Variants in CYRIA observed in about 807,000 individuals in gnomAD.
The protein encoded by CYRIA is CYFIP-related Rac1 interactor A.
In CYRIA, 15 loss-of-function variants were observed where a neutral mutation model predicts 43.9. The ratio of observed to expected loss-of-function variants is 0.34; its 90% CI spans 0.23 to 0.53. CYRIA has a LOEUF of 0.53. Among genes scored for constraint, CYRIA ranks in the 20% least tolerant of loss-of-function variants. CYRIA has a pLI of 0.94. For synonymous variants in CYRIA, 117 were observed against 136.0 expected (o/e 0.86, Z 0.97); for missense variants, 236 against 394.2 (o/e 0.60, Z 3.40).
intron 1 of CYRIA, among the ~76,000 whole-genome samples, chr2:16,648,518 A>G (rs1410918059): frequency 6.6e-6 from 1 of 152,230 alleles, no homozygotes; most frequent in African/African-American, 2.4e-5. Flanking sequence ...TTTCATCAAA[A>G]GGGGAATTTC....
intron 1 of CYRIA, among the ~76,000 whole-genome samples, chr2:16,630,827 C>G (rs1288287987): frequency 3.3e-5 from 5 of 152,176 alleles, no homozygotes; most frequent in African/African-American, 9.7e-5. Context: ...ATCCACGGCT[C>G]CAACTACAGG....
At chr2:16,653,322 G>C (rs1360312578) in intron 1 of CYRIA, among the ~76,000 whole-genome samples, 3 of 152,174 alleles carry the variant, frequency 2.0e-5, no homozygotes, top group African/African-American at 2.4e-5. Context: ...CTCCACTCTG[G>C]TTTGGCCCTC....
rs528288516 is a variant in CYRIA, at chr2:16,554,033, G to T, written c.909-1034C>A. Among the ~76,000 whole-genome samples the T allele has an allele frequency of 1.2e-4, 19 of 152,168 alleles. No homozygotes were observed. The East Asian group carries it at 3.5e-3, about 28-fold the overall frequency. Reference sequence around the variant, plus strand: ...ACAGCAAAACAGCATCAACCTCAGGGTCTATTTTGTTCATTTTGTGTGTGT... The same window carrying T: ...ACAGCAAAACAGCATCAACCTCAGGTTCTATTTTGTTCATTTTGTGTGTGT... On this transcript the variant is annotated intron_variant, in intron 11 of 11. Coordinates refer to ENST00000381323, the MANE Select transcript of CYRIA (RefSeq NM_030797.4).
intron 9 of CYRIA, chr2:16,560,676 C>T (rs780369331): frequency 2.7e-5 from 10 of 373,064 alleles, no homozygotes; most frequent in Admixed American, 1.2e-4. Flanking sequence ...TCATGATGTC[C>T]CATCATTTAA....
chr2:16,654,095 G>A (rs1670041200), intron 1 of CYRIA, among the ~76,000 whole-genome samples: 1 of 152,170 alleles, frequency 6.6e-6, no homozygotes, highest in Non-Finnish European at 1.5e-5. Context: ...TGGTGGGTCA[G>A]CTTGATCTCC....
intron 3 of CYRIA, among the ~76,000 whole-genome samples, chr2:16,578,336 G>A (rs1212007451): frequency 1.3e-5 from 2 of 151,958 alleles, no homozygotes; most frequent in African/African-American, 2.4e-5. Flanking sequence ...CCTGGCATTT[G>A]TTCAAAAAAA....
chr2:16,561,315 G>C (rs1666722046), intron 7 of CYRIA, 38 bp from the exon 8 acceptor site: 2 of 1,542,210 alleles, frequency 1.3e-6, no homozygotes, highest in Non-Finnish European at 1.8e-6. Context: ...TTTATAAAGA[G>C]AAAGTCCAAA....
chr2:16,566,782 G>A (rs567508688), intron 3 of CYRIA, among the ~76,000 whole-genome samples: 2 of 152,196 alleles, frequency 1.3e-5, no homozygotes, highest in South Asian at 4.1e-4. Context: ...GGTGGTGGTG[G>A]AGAGGTAGTA....
intron 2 of CYRIA, among the ~76,000 whole-genome samples, chr2:16,619,605 C>A (rs996016951): frequency 2.0e-5 from 3 of 152,210 alleles, no homozygotes; most frequent in Non-Finnish European, 2.9e-5. Context: ...CTTTCTACTT[C>A]TTTTCTTGGT....
At chr2:16,665,158 G>A (rs939660972) in intron 1 of CYRIA, among the ~76,000 whole-genome samples, 1 of 152,166 alleles carries the variant, frequency 6.6e-6, no homozygotes, top group Non-Finnish European at 1.5e-5. Context: ...CAGCATTTTG[G>A]GAAGTGGGTC....
chr2:16,598,687 G>T (rs1231435214), intron 2 of CYRIA, among the ~76,000 whole-genome samples: 1 of 94,274 alleles, frequency 1.1e-5, no homozygotes, highest in Non-Finnish European at 1.9e-5. Context: ...ATGTCCTCCC[G>T]TAGCTCAGAG....
chr2:16,633,661 A>G (rs928996822), intron 1 of CYRIA, among the ~76,000 whole-genome samples: 1 of 147,352 alleles, frequency 6.8e-6, no homozygotes, highest in Admixed American at 7.0e-5. Context: ...GATTACAGGC[A>G]TGAGCCACCG....
intron 2 of CYRIA, among the ~76,000 whole-genome samples, chr2:16,610,803 T>C (rs1295581476): frequency 6.6e-6 from 1 of 150,972 alleles, no homozygotes; most frequent in African/African-American, 2.4e-5. Context: ...TCACTTCCCA[T>C]TTTATTCAAT....
chr2:16,645,129 G>A (rs148875382), intron 1 of CYRIA, among the ~76,000 whole-genome samples: 1 of 152,220 alleles, frequency 6.6e-6, no homozygotes, highest in East Asian at 1.9e-4. Context: ...GAGAATCAAC[G>A]TTCTTTTCAT....
At chr2:16,585,628 T>C in intron 3 of CYRIA, among the ~76,000 whole-genome samples, 1 of 152,144 alleles carries the variant, frequency 6.6e-6, no homozygotes, top group East Asian at 1.9e-4. Context: ...GAAATTAAAT[T>C]GACAAATGGA....
At position 16,657,415 on chromosome 2, in the gene CYRIA, A is replaced by T. The variant is rs539859929; in HGVS notation, c.-167+8365T>A. On this transcript the variant is annotated intron_variant, in intron 1 of 11. Transcript: ENST00000381323. ...CCAGCTTATTTTTACTTCTCAGGAA[A>T]TTTTTTTTAAAATGACTTTGTCCCA... Among the ~76,000 whole-genome samples, 36 of 151,564 alleles carry T rather than the reference A, an allele frequency of 2.4e-4. No individual in the cohort carries two copies. The South Asian group carries it at 2.9e-3, about 12-fold the overall frequency.
chr2:16,593,883 C>T (rs56398382), intron 2 of CYRIA, among the ~76,000 whole-genome samples: 15,742 of 144,320 alleles, frequency 0.11, 955 homozygotes, highest in Middle Eastern at 0.17. Flanking sequence ...CCCCGACCCC[C>T]GACCCCACCA....
intron 1 of CYRIA, among the ~76,000 whole-genome samples, chr2:16,656,826 A>T (rs1006742421): frequency 6.6e-6 from 1 of 152,234 alleles, no homozygotes; most frequent in African/African-American, 2.4e-5. Context: ...TCAAGCAGCC[A>T]GTGAGACCTC....
intron 3 of CYRIA, among the ~76,000 whole-genome samples, chr2:16,582,115 C>G (rs1284925328): frequency 6.6e-6 from 1 of 152,018 alleles, no homozygotes; most frequent in African/African-American, 2.4e-5. Flanking sequence ...TATCCTGTGT[C>G]TTGATAGAGT....
Sources: gnomAD v4.1 joint callset for allele counts (sites outside exome capture counted in the v4.1 genomes callset) on GRCh38, gnomAD v4.1.1 for gene constraint, MANE v1.5 for transcripts, NCBI Gene and HGNC (gene_info 2026-07-23, HGNC 2026-07-21) for gene names.